SPAG6: variants seen among roughly 807,000 people sequenced by gnomAD.
SPAG6 encodes the protein sperm associated antigen 6.
In SPAG6, 49 loss-of-function variants were observed where a neutral mutation model predicts 58.5. The ratio of observed to expected loss-of-function variants is 0.84; its 90% CI spans 0.67 to 1.06. SPAG6 has a LOEUF of 1.06. Ranked by LOEUF, SPAG6 falls within the 50% of genes least tolerant of loss-of-function variation. SPAG6 has a pLI of 0.00. For missense variants in SPAG6, 560 were observed against 611.3 expected, an observed-to-expected ratio of 0.92 and a Z score of 0.89; for synonymous variants, 233 against 225.6, an observed-to-expected ratio of 1.03 and a Z score of -0.29.
chr10:22,394,949 A>G (rs933979242), intron 8 of SPAG6, among the ~76,000 whole-genome samples: 1 of 152,118 alleles, frequency 6.6e-6, no homozygotes, highest in Non-Finnish European at 1.5e-5. Context: ...GGCCTCAAGC[A>G]GTCCCCCACC....
chr10:22,398,809 G>A (rs573521426), intron 8 of SPAG6, among the ~76,000 whole-genome samples: 1 of 152,158 alleles, frequency 6.6e-6, no homozygotes, highest in East Asian at 1.9e-4. Flanking sequence ...TTCAAGAAAG[G>A]AGTTTAAGTA....
At chr10:22,357,720 G>A (rs1836906925) in intron 2 of SPAG6, among the ~76,000 whole-genome samples, 1 of 145,504 alleles carries the variant, frequency 6.9e-6, no homozygotes, top group African/African-American at 2.6e-5. Context: ...ATCTCCTAAA[G>A]CTATCCCTCC....
intron 3 of SPAG6, among the ~76,000 whole-genome samples, chr10:22,365,671 G>C (rs1471911379): frequency 6.6e-6 from 1 of 152,026 alleles, no homozygotes. Context: ...CATAACCTAG[G>C]GATAGAGCTT....
intron 2 of SPAG6, among the ~76,000 whole-genome samples, chr10:22,361,934 T>A (rs1238065572): frequency 6.7e-6 from 1 of 149,594 alleles, no homozygotes; most frequent in Non-Finnish European, 1.5e-5. Context: ...ATATGAAAAA[T>A]TTCAAAAGAT....
intron 4 of SPAG6, among the ~76,000 whole-genome samples, chr10:22,378,594 G>T (rs1296512971): frequency 6.6e-6 from 1 of 151,992 alleles, no homozygotes; most frequent in Non-Finnish European, 1.5e-5. Context: ...TCTTTACCGG[G>T]ACACTCCAGA....
intron 6 of SPAG6, 43 bp from the exon 7 acceptor site, chr10:22,389,117 A>G (rs577620043): frequency 3.8e-6 from 6 of 1,585,972 alleles, no homozygotes; most frequent in Non-Finnish European, 5.2e-6. Context: ...TTTAAAGACC[A>G]TCATAGGGTC....
intron 4 of SPAG6, among the ~76,000 whole-genome samples, chr10:22,385,327 T>C (rs1352727065): frequency 6.6e-6 from 1 of 152,180 alleles, no homozygotes; most frequent in Non-Finnish European, 1.5e-5. Context: ...ACCTGTTGTA[T>C]TGCTAGATTG....
chr10:22,414,292 G>T (rs1051356058), intron 10 of SPAG6, among the ~76,000 whole-genome samples: 2 of 152,090 alleles, frequency 1.3e-5, no homozygotes, highest in Non-Finnish European at 2.9e-5. Flanking sequence ...ATTCTTAAAG[G>T]ACATTTAGAG....
chr10:22,357,987 T>C (rs1836916214), intron 2 of SPAG6, among the ~76,000 whole-genome samples: 2 of 152,168 alleles, frequency 1.3e-5, no homozygotes, highest in South Asian at 4.1e-4. Flanking sequence ...TCTCTCATTG[T>C]TGGACATTTG....
intron 2 of SPAG6, among the ~76,000 whole-genome samples, chr10:22,360,171 G>GT (rs1173166489): frequency 6.6e-6 from 1 of 152,074 alleles, no homozygotes; most frequent in Non-Finnish European, 1.5e-5. Context: ...TTTCTTGACA[G>GT]TAGGTGTCAA....
intron 9 of SPAG6, among the ~76,000 whole-genome samples, chr10:22,407,131 A>G (rs1250360900): frequency 1.3e-5 from 2 of 150,778 alleles, no homozygotes; most frequent in South Asian, 4.2e-4. Flanking sequence ...AATTTAGTCC[A>G]TTTACATTTA....
chr10:22,414,450 A>G (rs1460690524), intron 10 of SPAG6, among the ~76,000 whole-genome samples: 1 of 152,086 alleles, frequency 6.6e-6, no homozygotes, highest in African/African-American at 2.4e-5. Flanking sequence ...AGTTATAACT[A>G]CTTACTATAA....
intron 2 of SPAG6, among the ~76,000 whole-genome samples, chr10:22,349,395 AT>A (rs1435893211): frequency 6.6e-6 from 1 of 152,228 alleles, no homozygotes; most frequent in East Asian, 1.9e-4. Context: ...CGTCTGAATA[AT>A]TAGTAACACA....
chr10:22,353,066 A>T (rs1020428830), intron 2 of SPAG6, among the ~76,000 whole-genome samples: 2 of 152,196 alleles, frequency 1.3e-5, no homozygotes, highest in Non-Finnish European at 2.9e-5. Context: ...TACATATATT[A>T]ATATTTTGGA....
intron 3 of SPAG6, among the ~76,000 whole-genome samples, 177 bp downstream of exon 3, chr10:22,365,196 C>T (rs2077694821): frequency 6.6e-6 from 1 of 152,062 alleles, no homozygotes; most frequent in African/African-American, 2.4e-5. Context: ...GTGCTGATAA[C>T]CACCATTTAT....
intron 10 of SPAG6, among the ~76,000 whole-genome samples, chr10:22,413,708 T>TATATATATATATATATATATATATA (rs1564384103): frequency 7.3e-5 from 11 of 150,868 alleles, no homozygotes; most frequent in African/African-American, 2.5e-4. Context: ...TATATATATA[T>TATATATATATATATATATATATATA]TTCACCCACA....
In SPAG6 at chr10:22,354,862, AGC is replaced by A. The variant is rs1588634724; in HGVS notation, c.121+9045_121+9046del. ...CATCTCTACTAAAAATACAAAAATT[AGC>A]CAGGTGTGGTGGCAGGCGCCTGTAA... On this transcript the variant is annotated intron_variant, in intron 2 of 10. Coordinates refer to ENST00000376624, the MANE Select transcript of SPAG6 (RefSeq NM_012443.4). Among the ~76,000 whole-genome samples the A allele has an allele frequency of 5.9e-5, 9 of 152,224 alleles. 1 individual carries two copies. The East Asian group carries it at 1.7e-3, about 29-fold the overall frequency.
At chr10:22,404,795 A>T (rs1361159530) in intron 9 of SPAG6, among the ~76,000 whole-genome samples, 1 of 151,344 alleles carries the variant, frequency 6.6e-6, no homozygotes, top group East Asian at 1.9e-4. Flanking sequence ...ATTTGTTTGT[A>T]TCCTCTTTTA....
intron 10 of SPAG6, chr10:22,412,400 A>G (rs1410494247): frequency 9.5e-7 from 1 of 1,054,394 alleles, no homozygotes; most frequent in East Asian, 2.6e-5. Context: ...CACAAAAGCA[A>G]TTTTAAGATT....
Sources: allele counts gnomAD v4.1 joint callset (sites outside exome capture counted in the v4.1 genomes callset), GRCh38; gene constraint gnomAD v4.1.1; transcripts MANE v1.5; gene names NCBI Gene and HGNC (gene_info 2026-07-23, HGNC 2026-07-21).